The following DGKB variants were observed in gnomAD, a reference collection of about 807,000 sequenced individuals.
DGKB encodes diacylglycerol kinase beta, also known as 90 kDa diacylglycerol kinase.
DGKB carries 67 observed loss-of-function variants against 114.3 expected under a neutral mutation model. The observed-to-expected ratio is 0.59, with a 90% CI of 0.48 to 0.72. The LOEUF (loss-of-function observed/expected upper bound fraction) is 0.72. DGKB is among the 30% of genes least tolerant of loss of function. DGKB has a pLI of 0.00. For synonymous variants in DGKB, 398 were observed against 323.1 expected (o/e 1.23, Z -2.49); for missense variants, 907 against 975.2 (o/e 0.93, Z 0.93).
chr7:14,901,610 C>A (rs1462487840), intron 1 of DGKB, among the ~76,000 whole-genome samples: 2 of 140,126 alleles, frequency 1.4e-5, no homozygotes, highest in East Asian at 2.4e-4. Flanking sequence ...TTTCCACCCC[C>A]CCCCACCCCC....
chr7:14,466,857 T>C (rs1423251941), intron 21 of DGKB, among the ~76,000 whole-genome samples: 1 of 152,068 alleles, frequency 6.6e-6, no homozygotes, highest in African/African-American at 2.4e-5. Context: ...GGCGTTTATA[T>C]AGAGAGGCTA....
At chr7:14,217,592 G>C (rs17764843) in intron 23 of DGKB, among the ~76,000 whole-genome samples, 1 of 151,260 alleles carries the variant, frequency 6.6e-6, no homozygotes. Context: ...CAGTTACACG[G>C]GAAATTAAAA....
intron 1 of DGKB, among the ~76,000 whole-genome samples, chr7:14,950,191 T>G (rs969821677): frequency 6.6e-6 from 1 of 151,766 alleles, no homozygotes; most frequent in African/African-American, 2.4e-5. Flanking sequence ...TGAAAGCAGA[T>G]AGAAAAACAT....
intron 25 of DGKB, among the ~76,000 whole-genome samples, chr7:14,167,425 A>C (rs1285719888): frequency 1.3e-5 from 2 of 152,046 alleles, no homozygotes; most frequent in Non-Finnish European, 2.9e-5. Flanking sequence ...TTCGAGAAAT[A>C]TATGACAAAG....
intron 23 of DGKB, among the ~76,000 whole-genome samples, chr7:14,193,353 T>C (rs1302384128): frequency 1.3e-5 from 2 of 151,926 alleles, no homozygotes; most frequent in East Asian, 3.9e-4. Context: ...AACAGACACA[T>C]AGACTAATAG....
chr7:14,762,637 G>A (rs1451784489), intron 2 of DGKB, among the ~76,000 whole-genome samples: 1 of 152,090 alleles, frequency 6.6e-6, no homozygotes, highest in Non-Finnish European at 1.5e-5. Context: ...TACATCTTGA[G>A]TGAGTCTCCT....
chr7:14,932,872 G>A (rs1341153312), intron 1 of DGKB, among the ~76,000 whole-genome samples: 1 of 152,176 alleles, frequency 6.6e-6, no homozygotes, highest in Non-Finnish European at 1.5e-5. Flanking sequence ...AAAAGAGGCA[G>A]TGAGTGATAG....
chr7:14,843,358 C>T (rs1171019993), intron 1 of DGKB, among the ~76,000 whole-genome samples: 4 of 108,398 alleles, frequency 3.7e-5, no homozygotes, highest in East Asian at 3.0e-4. Context: ...GACGGAGTCT[C>T]GCTCTGTCGC....
intron 21 of DGKB, among the ~76,000 whole-genome samples, chr7:14,410,509 T>G (rs1464361337): frequency 1.3e-5 from 2 of 152,088 alleles, no homozygotes; most frequent in African/African-American, 4.8e-5. Flanking sequence ...CCAAGCACAT[T>G]TCTTTCAAGA....
At chr7:14,881,652 G>A (rs1224458377) in intron 1 of DGKB, among the ~76,000 whole-genome samples, 1 of 152,058 alleles carries the variant, frequency 6.6e-6, no homozygotes, top group African/African-American at 2.4e-5. Context: ...ACACTGTGGT[G>A]CAGATTTCTG....
intron 20 of DGKB, among the ~76,000 whole-genome samples, chr7:14,522,043 T>C (rs1789862721): frequency 6.6e-6 from 1 of 152,176 alleles, no homozygotes; most frequent in Non-Finnish European, 1.5e-5. Context: ...AAGCTTTGCG[T>C]CCTAAGGGTG....
At chr7:14,431,677 A>C (rs1583890388) in intron 21 of DGKB, among the ~76,000 whole-genome samples, 1 of 152,312 alleles carries the variant, frequency 6.6e-6, no homozygotes, top group Non-Finnish European at 1.5e-5. Context: ...GTCATTAAGG[A>C]GCAAATTTTC....
chr7:14,417,960 A>G (rs2128755733), intron 21 of DGKB, among the ~76,000 whole-genome samples: 1 of 151,302 alleles, frequency 6.6e-6, no homozygotes, highest in South Asian at 2.1e-4. Flanking sequence ...AAAAAATGTC[A>G]GAGTTATAAA....
In DGKB at chr7:14,234,253, T is replaced by C. The variant is rs188366862; in HGVS notation, c.2123-56102A>G. Among the ~76,000 whole-genome samples the C allele has an allele frequency of 1.4e-3, 212 of 152,228 alleles. 2 individuals carry two copies. The highest frequency in any genetic ancestry group is 4.9e-3 in the African/African-American group (202 of 41,574). On this transcript the variant is annotated intron_variant, in intron 23 of 25. Transcript: ENST00000402815. The stretch of plus-strand genomic sequence containing the variant: ...TTGCATGAACCCTTGTCCGTGCTAA[T>C]TGACCAAGGAATGAAGTATAAGATA...
At chr7:14,349,121 A>C (rs1220029414) in intron 21 of DGKB, among the ~76,000 whole-genome samples, 1 of 152,068 alleles carries the variant, frequency 6.6e-6, no homozygotes, top group Admixed American at 6.6e-5. Context: ...TATTGCAATA[A>C]TTCATATAAA....
chr7:14,834,993 T>G (rs1199960706), intron 2 of DGKB, among the ~76,000 whole-genome samples: 1 of 152,072 alleles, frequency 6.6e-6, no homozygotes, highest in Non-Finnish European at 1.5e-5. Flanking sequence ...AACAGGAAAT[T>G]GTGTCTGAAG....
intron 21 of DGKB, among the ~76,000 whole-genome samples, chr7:14,345,603 T>A (rs774935470): frequency 2.6e-4 from 40 of 151,742 alleles, no homozygotes; most frequent in Non-Finnish European, 3.4e-4. Flanking sequence ...TGTGTTGATC[T>A]AGCAGACTCA....
intron 23 of DGKB, among the ~76,000 whole-genome samples, chr7:14,221,488 G>T (rs1789965492): frequency 6.6e-6 from 1 of 151,118 alleles, no homozygotes; most frequent in African/African-American, 2.4e-5. Context: ...TGATTTCCAG[G>T]TGTTAAACCA....
chr7:14,845,106 C>CAAAAAAAAAAAAAAAAAAAAAAAA (rs59367496), intron 1 of DGKB, among the ~76,000 whole-genome samples: 2 of 89,266 alleles, frequency 2.2e-5, no homozygotes, highest in Non-Finnish European at 4.4e-5. Context: ...GGCCCTGTGT[C>CAAAAAAAAAAAAAAAAAAAAAAAA]AAAAAAAAAA....
Sources: allele counts gnomAD v4.1 joint callset (sites outside exome capture counted in the v4.1 genomes callset), GRCh38; gene constraint gnomAD v4.1.1; transcripts MANE v1.5; gene names NCBI Gene and HGNC (gene_info 2026-07-23, HGNC 2026-07-21).